PDSS2: variants seen among roughly 807,000 people sequenced by gnomAD.
The protein encoded by PDSS2 is all trans-polyprenyl-diphosphate synthase PDSS2.
A neutral mutation model predicts 44.5 loss-of-function variants in PDSS2; 31 were observed. That is an observed-to-expected ratio of 0.70 (90% CI 0.52 to 0.94). The LOEUF (loss-of-function observed/expected upper bound fraction) is 0.94. Ranked by LOEUF, PDSS2 falls within the 40% of genes least tolerant of loss-of-function variation. The probability of loss-of-function intolerance (pLI) is 0.00; values close to 1 mark genes in which losing one functional copy is unlikely to be tolerated. For synonymous variants in PDSS2, 157 were observed against 180.3 expected (o/e 0.87, Z 1.03); for missense variants, 452 against 482.2 (o/e 0.94, Z 0.59).
chr6:107,357,670 G>C (rs936341137), intron 1 of PDSS2, among the ~76,000 whole-genome samples: 1 of 152,064 alleles, frequency 6.6e-6, no homozygotes, highest in Non-Finnish European at 1.5e-5. Context: ...TCTAAATTCA[G>C]TGCATTCCAC....
At chr6:107,209,127 T>C (rs1170517574) in intron 6 of PDSS2, among the ~76,000 whole-genome samples, 1 of 152,222 alleles carries the variant, frequency 6.6e-6, no homozygotes, top group Middle Eastern at 3.2e-3. Flanking sequence ...ATATTGATTA[T>C]AGTGCTTTGA....
At chr6:107,414,266 GTACAGTAAT>G (rs1221723492) in intron 1 of PDSS2, among the ~76,000 whole-genome samples, 2 of 152,182 alleles carry the variant, frequency 1.3e-5, no homozygotes, top group Non-Finnish European at 2.9e-5. Context: ...GAGTATAACT[GTACAGTAAT>G]TATTCCTAAA....
chr6:107,228,380 A>G (rs1280902340), intron 4 of PDSS2, among the ~76,000 whole-genome samples: 1 of 152,092 alleles, frequency 6.6e-6, no homozygotes, highest in Admixed American at 6.6e-5. Context: ...AACATTTGCT[A>G]CTTTTATTTT....
rs547987683 is a variant in PDSS2, at chr6:107,303,567, G to A, written c.432-29340C>T. Reference sequence around the variant, plus strand: ...ATGCTATGCATTTTTCCATAAAAATGTGTTCATACTATACATATGGTACTA... The same window carrying A: ...ATGCTATGCATTTTTCCATAAAAATATGTTCATACTATACATATGGTACTA... On this transcript the variant is annotated intron_variant, in intron 2 of 7. Coordinates refer to ENST00000369037, the MANE Select transcript of PDSS2 (RefSeq NM_020381.4). Among the ~76,000 whole-genome samples the A allele has an allele frequency of 4.6e-5, 7 of 152,216 alleles. No homozygotes were observed. In the South Asian group the frequency reaches 1.5e-3, roughly 32 times the overall value.
intron 1 of PDSS2, among the ~76,000 whole-genome samples, chr6:107,385,109 CA>C (rs1479771012): frequency 6.6e-6 from 1 of 152,168 alleles, no homozygotes; most frequent in African/African-American, 2.4e-5. Flanking sequence ...CTCTGAATTT[CA>C]TCTCTTTATT....
chr6:107,257,623 C>T (rs1775067573), intron 3 of PDSS2, among the ~76,000 whole-genome samples: 1 of 149,018 alleles, frequency 6.7e-6, no homozygotes, highest in Non-Finnish European at 1.5e-5. Flanking sequence ...ATACAATTGG[C>T]TTTTTTTTTT....
At chr6:107,310,703 A>G (rs894914103) in intron 2 of PDSS2, among the ~76,000 whole-genome samples, 7 of 152,134 alleles carry the variant, frequency 4.6e-5, no homozygotes, top group Admixed American at 6.5e-5. Flanking sequence ...AGTCTCAACC[A>G]TCTGGCCCTG....
chr6:107,369,290 C>T (rs549768869), intron 1 of PDSS2, among the ~76,000 whole-genome samples: 19 of 151,970 alleles, frequency 1.3e-4, no homozygotes, highest in South Asian at 2.1e-4. Flanking sequence ...TGGTGGCGTG[C>T]GCCTGTAATC....
intron 7 of PDSS2, among the ~76,000 whole-genome samples, chr6:107,174,323 G>A (rs1330054825): frequency 6.6e-6 from 1 of 152,184 alleles, no homozygotes; most frequent in Non-Finnish European, 1.5e-5. Flanking sequence ...CTCGGAAGAA[G>A]ATTCCACTTA....
intron 7 of PDSS2, among the ~76,000 whole-genome samples, chr6:107,181,820 G>T (rs2114459500): frequency 6.6e-6 from 1 of 151,478 alleles, no homozygotes; most frequent in Non-Finnish European, 1.5e-5. Flanking sequence ...AACCCAGGAG[G>T]TGGAGGCTGC....
At chr6:107,418,569 C>A (rs528504690) in intron 1 of PDSS2, among the ~76,000 whole-genome samples, 1 of 152,000 alleles carries the variant, frequency 6.6e-6, no homozygotes, top group Non-Finnish European at 1.5e-5. Context: ...GTCAGGAGTT[C>A]GAGACCATCC....
At chr6:107,407,564 T>C (rs1780358894) in intron 1 of PDSS2, among the ~76,000 whole-genome samples, 1 of 152,182 alleles carries the variant, frequency 6.6e-6, no homozygotes. Flanking sequence ...CCTTAAAAAC[T>C]CTGCTTAAGA....
intron 1 of PDSS2, among the ~76,000 whole-genome samples, chr6:107,417,778 T>C (rs1583059265): frequency 6.8e-6 from 1 of 147,052 alleles, no homozygotes; most frequent in African/African-American, 2.5e-5. Flanking sequence ...TTAATAATAA[T>C]ACACACACAC....
chr6:107,392,708 T>C (rs1779821155), intron 1 of PDSS2, among the ~76,000 whole-genome samples: 1 of 152,192 alleles, frequency 6.6e-6, no homozygotes, highest in South Asian at 2.1e-4. Flanking sequence ...TTCATCAGTA[T>C]TGATACAGGT....
chr6:107,359,624 TAAA>T (rs371733995), intron 1 of PDSS2, among the ~76,000 whole-genome samples: 2 of 127,010 alleles, frequency 1.6e-5, no homozygotes, highest in African/African-American at 3.0e-5. Context: ...AGAATGTGTT[TAAA>T]AAAAAAAAAA....
intron 2 of PDSS2, among the ~76,000 whole-genome samples, chr6:107,275,887 C>G (rs958266267): frequency 6.6e-6 from 1 of 151,924 alleles, no homozygotes; most frequent in East Asian, 1.9e-4. Flanking sequence ...GCCCAGGTGG[C>G]AGGACTGCTT....
chr6:107,227,278 C>CTTTTTTTTTTTTTTTTTTTTTTTTTT (rs60988844), intron 4 of PDSS2, among the ~76,000 whole-genome samples: 1 of 102,812 alleles, frequency 9.7e-6, no homozygotes, highest in Non-Finnish European at 2.0e-5. Context: ...CCACTGTGCC[C>CTTTTTTTTTTTTTTTTTTTTTTTTTT]TTTTTTTTTT....
intron 4 of PDSS2, among the ~76,000 whole-genome samples, chr6:107,233,437 T>A (rs1041484214): frequency 1.2e-4 from 19 of 152,184 alleles, no homozygotes; most frequent in South Asian, 4.1e-4. Context: ...AATACAAGAT[T>A]ACTAATATAC....
chr6:107,290,249 T>A (rs1199983976), intron 2 of PDSS2, among the ~76,000 whole-genome samples: 1 of 152,202 alleles, frequency 6.6e-6, no homozygotes, highest in Non-Finnish European at 1.5e-5. Flanking sequence ...AACTCTAAGG[T>A]GACAACAGAG....
Sources: gnomAD v4.1 joint callset for allele counts (sites outside exome capture counted in the v4.1 genomes callset) on GRCh38, gnomAD v4.1.1 for gene constraint, MANE v1.5 for transcripts, NCBI Gene and HGNC (gene_info 2026-07-23, HGNC 2026-07-21) for gene names.